RIT2: variants seen among roughly 807,000 people sequenced by gnomAD.
The protein encoded by RIT2 is Ras like without CAAX 2.
In RIT2, 24 loss-of-function variants were observed where a neutral mutation model predicts 23.7. That is an observed-to-expected ratio of 1.01 (90% CI 0.73 to 1.43). RIT2 has a LOEUF of 1.43. RIT2 is among the 40% of genes most tolerant of loss of function. The pLI, the probability that RIT2 is intolerant of heterozygous loss-of-function variation, is 0.00. For missense variants in RIT2, 236 were observed against 266.9 expected, an observed-to-expected ratio of 0.88 and a Z score of 0.81; for synonymous variants, 107 against 91.1, an observed-to-expected ratio of 1.17 and a Z score of -0.99.
chr18:43,030,252 C>G (rs80171298), intron 2 of RIT2, among the ~76,000 whole-genome samples: 1 of 151,786 alleles, frequency 6.6e-6, no homozygotes, highest in African/African-American at 2.4e-5. Context: ...TCAAAAGAGG[C>G]GCTCTTGAGG....
intron 2 of RIT2, among the ~76,000 whole-genome samples, chr18:43,029,322 G>C (rs765490318): frequency 1.3e-5 from 2 of 151,986 alleles, no homozygotes; most frequent in Non-Finnish European, 2.9e-5. Flanking sequence ...CTTGAAAATA[G>C]GACATGTAAG....
intron 4 of RIT2, among the ~76,000 whole-genome samples, chr18:42,778,783 T>G (rs1442579394): frequency 6.6e-6 from 1 of 152,212 alleles, no homozygotes; most frequent in East Asian, 1.9e-4. Flanking sequence ...CATATTTTCC[T>G]TAGCTATTTT....
At chr18:43,037,564 A>G (rs1331590751) in intron 1 of RIT2, among the ~76,000 whole-genome samples, 1 of 152,066 alleles carries the variant, frequency 6.6e-6, no homozygotes, top group African/African-American at 2.4e-5. Flanking sequence ...ACATTCTTGT[A>G]CTCATGTTCT....
At chr18:42,966,763 G>T (rs926217889) in intron 3 of RIT2, among the ~76,000 whole-genome samples, 9 of 151,996 alleles carry the variant, frequency 5.9e-5, no homozygotes, top group Non-Finnish European at 8.8e-5. Flanking sequence ...ATCAATTGGG[G>T]CATTATAAAT....
intron 2 of RIT2, among the ~76,000 whole-genome samples, chr18:42,987,869 A>T (rs1376909832): frequency 6.6e-6 from 1 of 152,110 alleles, no homozygotes; most frequent in African/African-American, 2.4e-5. Context: ...AGAGGGAAAA[A>T]GAGGGCAGGC....
intron 2 of RIT2, among the ~76,000 whole-genome samples, chr18:42,977,641 T>A (rs1598736293): frequency 6.6e-6 from 1 of 151,840 alleles, no homozygotes; most frequent in East Asian, 2.0e-4. Flanking sequence ...ACAATCATAG[T>A]CTTTACTCTC....
chr18:43,114,388 C>A (rs976943141), intron 1 of RIT2, among the ~76,000 whole-genome samples: 1 of 152,092 alleles, frequency 6.6e-6, no homozygotes, highest in South Asian at 2.1e-4. Context: ...CTTGTGGACC[C>A]ATCCACCAAA....
chr18:42,964,254 G>T (rs1428390988), intron 3 of RIT2, among the ~76,000 whole-genome samples: 1 of 151,376 alleles, frequency 6.6e-6, no homozygotes, highest in Admixed American at 6.6e-5. Context: ...TCAATCTTCA[G>T]GCCTCAAAAT....
chr18:43,079,728 A>G (rs35211644), intron 1 of RIT2, among the ~76,000 whole-genome samples: 60,724 of 152,120 alleles, frequency 0.4, 14,740 homozygotes, highest in Non-Finnish European at 0.55. Context: ...CTGGAGACAT[A>G]CTACATTTGA....
chr18:43,010,857 G>T (rs1911334765), intron 2 of RIT2, among the ~76,000 whole-genome samples: 1 of 151,760 alleles, frequency 6.6e-6, no homozygotes, highest in Admixed American at 6.6e-5. Flanking sequence ...AATTTATTGA[G>T]AAACATGGGA....
chr18:43,000,599 G>A (rs1162929137), intron 2 of RIT2, among the ~76,000 whole-genome samples: 3 of 151,982 alleles, frequency 2.0e-5, no homozygotes, highest in African/African-American at 2.4e-5. Context: ...ATCCCCACGT[G>A]TTGAGAAAGG....
intron 4 of RIT2, among the ~76,000 whole-genome samples, chr18:42,896,846 G>T (rs1053175402): frequency 4.6e-5 from 7 of 152,168 alleles, no homozygotes; most frequent in African/African-American, 1.7e-4. Flanking sequence ...TTGAGTAAAT[G>T]CCATTAGATG....
rs1287993903 is a variant in RIT2 at position 42,878,211 on chromosome 18, TA to T, written c.426+45360del. On this transcript the variant is annotated intron_variant, in intron 4 of 4. Coordinates refer to ENST00000326695, the MANE Select transcript of RIT2 (RefSeq NM_002930.4). ...AATCTGTGTATAACTTTTGACTCTC[TA>T]AAAACTTAACTAATAGCCTGCTATT... Among the ~76,000 whole-genome samples the T allele has an allele frequency of 2.6e-5, 4 of 151,468 alleles. No homozygotes were observed. In the East Asian group the frequency reaches 7.7e-4, roughly 29 times the overall value.
chr18:42,916,014 A>T (rs1436010729), intron 4 of RIT2, among the ~76,000 whole-genome samples: 2 of 151,928 alleles, frequency 1.3e-5, no homozygotes, highest in African/African-American at 4.8e-5. Flanking sequence ...ATGCTCTTAT[A>T]GTGTCCCAAA....
intron 2 of RIT2, among the ~76,000 whole-genome samples, chr18:43,025,010 C>G (rs1040027343): frequency 1.5e-4 from 23 of 151,878 alleles, no homozygotes; most frequent in Non-Finnish European, 1.6e-4. Context: ...GAGTTCAAAA[C>G]TAGTCTGGCC....
In RIT2 at chr18:42,963,021, T is replaced by C. The variant is rs556752477; in HGVS notation, c.234+11053A>G. ...TTGCTCATTAAAGTCAAAATCAGCA[T>C]GCTATTTACCTATCCATGTTGCAAG... On this transcript the variant is annotated intron_variant, in intron 3 of 4. Coordinates refer to ENST00000326695, the MANE Select transcript of RIT2 (RefSeq NM_002930.4). 2.8e-4 allele frequency among the ~76,000 whole-genome samples: 42 copies of C among 152,266 alleles called. No individual in the cohort carries two copies. The South Asian group carries it at 8.5e-3, about 31-fold the overall frequency.
At chr18:43,064,181 G>A (rs1227733587) in intron 1 of RIT2, among the ~76,000 whole-genome samples, 1 of 152,166 alleles carries the variant, frequency 6.6e-6, no homozygotes, top group Non-Finnish European at 1.5e-5. Context: ...TCTTGGATTT[G>A]TTGAAGGAAA....
At chr18:42,853,611 C>A (rs1031120224) in intron 4 of RIT2, among the ~76,000 whole-genome samples, 1 of 152,156 alleles carries the variant, frequency 6.6e-6, no homozygotes, top group Admixed American at 6.5e-5. Context: ...CTTCTTTACT[C>A]ATATTTTAAG....
intron 4 of RIT2, among the ~76,000 whole-genome samples, chr18:42,808,624 T>C (rs1270076102): frequency 6.6e-6 from 1 of 152,172 alleles, no homozygotes; most frequent in Non-Finnish European, 1.5e-5. Context: ...GTTAACACAT[T>C]ATCAGTTAAA....
Sources: allele counts gnomAD v4.1 joint callset (sites outside exome capture counted in the v4.1 genomes callset), GRCh38; gene constraint gnomAD v4.1.1; transcripts MANE v1.5; gene names NCBI Gene and HGNC (gene_info 2026-07-23, HGNC 2026-07-21).